Variants in ZSCAN25 observed in about 807,000 individuals in gnomAD.
The protein encoded by ZSCAN25 is zinc finger and SCAN domain-containing protein 25.
ZSCAN25 carries 27 observed loss-of-function variants against 38.7 expected under a neutral mutation model. The observed-to-expected ratio is 0.70, with a 90% confidence interval of 0.51 to 0.96. The LOEUF (loss-of-function observed/expected upper bound fraction) is 0.96. Ranked by LOEUF, ZSCAN25 falls within the 40% of genes least tolerant of loss-of-function variation. The pLI, the probability that ZSCAN25 is intolerant of heterozygous loss-of-function variation, is 0.00. For missense variants in ZSCAN25, 637 were observed against 705.9 expected (o/e 0.90, Z 1.11); for synonymous variants, 273 against 277.7 (o/e 0.98, Z 0.17).
chr7:99,666,071 G>C, the ZSCAN25 span, among the ~76,000 whole-genome samples: 1 of 151,990 alleles, frequency 6.6e-6, no homozygotes, highest in Non-Finnish European at 1.5e-5. Context: ...CAAATAATAG[G>C]CTTGCTCTAC....
At chr7:99,638,489 G>A in the ZSCAN25 span, 3 of 1,503,226 alleles carry the variant, frequency 2.0e-6, no homozygotes, top group South Asian at 1.1e-5. Flanking sequence ...CGGTGCGGTG[G>A]CAGTCGGCAC....
the ZSCAN25 span, among the ~76,000 whole-genome samples, chr7:99,687,684 C>G: frequency 6.6e-6 from 1 of 152,182 alleles, no homozygotes; most frequent in Non-Finnish European, 1.5e-5. Context: ...CAAAAAGATA[C>G]TCCTCGAGAA....
Position 99,629,744 on chromosome 7 carries a change from C to T in ZSCAN25, c.1359C>T (p.His453=). Residue 453 remains histidine, a synonymous_variant, in exon 8 of 8, where the codon CAC becomes CAT. Transcript: ENST00000394152. This position sits in a 1 kb window ranked among gnomAD's most constrained non-coding sequence, Gnocchi z 5.6. ...RQHLQVHRRT[H]TGEKPYTCEC... ...ACCTGCAGGTGCACCGGAGGACGCA[C>T]ACCGGGGAGAAGCCCTACACCTGCG... 6.2e-7 allele frequency: 1 copy of T among 1,614,176 alleles called. No homozygotes were observed. Among genetic ancestry groups the T allele is most frequent in the African/African-American group, 1.3e-5 (1 of 75,042 alleles).
At chr7:99,722,152 C>A in the ZSCAN25 span, 1 of 1,006,132 alleles carries the variant, frequency 9.9e-7, no homozygotes. Flanking sequence ...TACATATCTT[C>A]TTCTTTCAGA....
the ZSCAN25 span, chr7:99,672,789 G>C: frequency 3.2e-6 from 5 of 1,556,292 alleles, no homozygotes; most frequent in East Asian, 1.1e-4. Context: ...CATACCCCTA[G>C]TTGTACGACA....
chr7:99,702,986 A>T, the ZSCAN25 span, among the ~76,000 whole-genome samples: 1 of 152,054 alleles, frequency 6.6e-6, no homozygotes, highest in Non-Finnish European at 1.5e-5. Context: ...ATTCTTAGGT[A>T]TTTAGTTTTA....
the ZSCAN25 span, chr7:99,707,668 G>A: frequency 2.0e-5 from 27 of 1,370,540 alleles, no homozygotes; most frequent in South Asian, 3.0e-4. Flanking sequence ...CACCCTTAAA[G>A]ATCATAGATG....
At chr7:99,705,865 G>A in the ZSCAN25 span, among the ~76,000 whole-genome samples, 2 of 152,262 alleles carry the variant, frequency 1.3e-5, no homozygotes, top group Admixed American at 1.3e-4. Context: ...ATGGGAACCC[G>A]TGTTCTTTTT....
the ZSCAN25 span, among the ~76,000 whole-genome samples, chr7:99,693,740 T>G: frequency 6.6e-6 from 1 of 152,258 alleles, no homozygotes; most frequent in Non-Finnish European, 1.5e-5. Context: ...TATCTCCTGG[T>G]CTGCCTGTTG....
the ZSCAN25 span, among the ~76,000 whole-genome samples, chr7:99,653,921 G>T: frequency 2.0e-5 from 3 of 152,214 alleles, no homozygotes; most frequent in East Asian, 3.8e-4. This position sits in a 1 kb window ranked among gnomAD's most constrained non-coding sequence, Gnocchi z 4.2. Flanking sequence ...ACTGGAACAT[G>T]AGACAGGTGT....
the ZSCAN25 span, chr7:99,705,378 T>G: frequency 7.8e-5 from 87 of 1,120,314 alleles, no homozygotes; most frequent in East Asian, 1.3e-3. Flanking sequence ...CCCTGATTAT[T>G]TATGCAGCAC....
At chr7:99,717,676 G>A in the ZSCAN25 span, 6 of 1,609,446 alleles carry the variant, frequency 3.7e-6, no homozygotes, top group East Asian at 2.2e-5. Flanking sequence ...TCCTACATCA[G>A]TTGTGGAGGT....
intron 7 of ZSCAN25, 115 bp downstream of exon 7, chr7:99,624,295 G>A: frequency 7.2e-7 from 1 of 1,392,160 alleles, no homozygotes; most frequent in Non-Finnish European, 1.0e-6. Context: ...TGGCAGGCGG[G>A]TAAATGGGTC....
intron 7 of ZSCAN25, among the ~76,000 whole-genome samples, chr7:99,628,329 T>G (rs1807674843): frequency 6.6e-6 from 1 of 152,242 alleles, no homozygotes; most frequent in Admixed American, 6.5e-5. Flanking sequence ...TCTTCCGCTT[T>G]AAGCACCACT....
chr7:99,734,994 A>T, the ZSCAN25 span: 1 of 1,613,802 alleles, frequency 6.2e-7, no homozygotes, highest in Non-Finnish European at 8.5e-7. Context: ...CCAAGGAAAC[A>T]GAGAAGAGGA....
At chr7:99,671,721 T>G in the ZSCAN25 span, 8 of 668,372 alleles carry the variant, frequency 1.2e-5, no homozygotes, top group East Asian at 1.9e-4. Flanking sequence ...AAAGGAAATA[T>G]TAATACATTG....
the ZSCAN25 span, chr7:99,666,831 C>A: frequency 1.9e-6 from 3 of 1,576,788 alleles, no homozygotes; most frequent in Non-Finnish European, 2.6e-6. Context: ...AGATAAAAGA[C>A]CATTTTTAGG....
the ZSCAN25 span, chr7:99,731,138 G>T: frequency 6.2e-7 from 1 of 1,613,824 alleles, no homozygotes; most frequent in Non-Finnish European, 8.5e-7. Context: ...AAGTCCATGT[G>T]TACGGGTTCC....
At chr7:99,672,538 G>C in the ZSCAN25 span, 2 of 1,503,606 alleles carry the variant, frequency 1.3e-6, no homozygotes, top group Admixed American at 3.4e-5. Context: ...AATTTAATCA[G>C]TGGATCAATC....
Sources: gnomAD v4.1 joint callset for allele counts (sites outside exome capture counted in the v4.1 genomes callset) on GRCh38, gnomAD v4.1.1 for gene constraint, Gnocchi (gnomAD v3.1) non-coding constraint, MANE v1.5 for transcripts, NCBI Gene and HGNC (gene_info 2026-07-23, HGNC 2026-07-21) for gene names.